The following DCC variants were observed in gnomAD, a reference collection of about 807,000 sequenced individuals.
The protein encoded by DCC is DCC netrin 1 receptor, also known as netrin receptor DCC.
Under a neutral mutation model 172.5 loss-of-function variants are expected in DCC, and 58 were observed. The observed-to-expected ratio is 0.34, with a 90% CI of 0.27 to 0.42. The LOEUF is 0.42. Ranked by LOEUF, DCC falls within the 10% of genes least tolerant of loss-of-function variation. The probability of loss-of-function intolerance (pLI) is 1.00; values close to 1 mark genes in which losing one functional copy is unlikely to be tolerated. For synonymous variants in DCC, 709 were observed against 644.5 expected (o/e 1.10, Z -1.52); for missense variants, 1,740 against 1,791.0 (o/e 0.97, Z 0.51).
At chr18:53,452,951 T>C (rs1568141587) in intron 23 of DCC, among the ~76,000 whole-genome samples, 1 of 152,148 alleles carries the variant, frequency 6.6e-6, no homozygotes, top group Non-Finnish European at 1.5e-5. Flanking sequence ...AGTCTCACTC[T>C]ATTGCCCAGG....
At chr18:52,977,893 AAAG>A (rs1215372447) in intron 5 of DCC, among the ~76,000 whole-genome samples, 1 of 147,520 alleles carries the variant, frequency 6.8e-6, no homozygotes, top group African/African-American at 2.5e-5. Flanking sequence ...TCAAAAAAAA[AAAG>A]AAAAGAAAAA....
intron 5 of DCC, among the ~76,000 whole-genome samples, chr18:52,932,512 G>A (rs190417962): frequency 1.3e-5 from 2 of 152,218 alleles, no homozygotes; most frequent in Admixed American, 1.3e-4. Context: ...ACTGAGGATG[G>A]TCTCTTCAGT....
At chr18:53,028,952 G>T (rs1396036580) in intron 5 of DCC, among the ~76,000 whole-genome samples, 1 of 152,026 alleles carries the variant, frequency 6.6e-6, no homozygotes, top group Non-Finnish European at 1.5e-5. Flanking sequence ...TTTTCCATTT[G>T]AGCTATAGTT....
intron 16 of DCC, 24 bp from the exon 17 acceptor site, chr18:53,391,631 C>A: frequency 2.1e-6 from 3 of 1,439,922 alleles, no homozygotes; most frequent in South Asian, 1.1e-5. Flanking sequence ...TTGTTTGTTT[C>A]ATTTGGTGGG....
chr18:53,456,210 G>T (rs1227285713), intron 23 of DCC, among the ~76,000 whole-genome samples: 1 of 152,186 alleles, frequency 6.6e-6, no homozygotes, highest in Non-Finnish European at 1.5e-5. Flanking sequence ...TAAAGAATAA[G>T]TCATTTGCAA....
intron 12 of DCC, among the ~76,000 whole-genome samples, chr18:53,298,991 A>G (rs996428128): frequency 6.6e-6 from 1 of 152,162 alleles, no homozygotes; most frequent in African/African-American, 2.4e-5. Flanking sequence ...TTGTAAAATC[A>G]TCAATGGTGA....
chr18:52,698,752 C>T (rs1599028002), intron 1 of DCC, among the ~76,000 whole-genome samples: 2 of 141,902 alleles, frequency 1.4e-5, no homozygotes, highest in East Asian at 2.1e-4. Context: ...GCTCCCGCCA[C>T]CACGCCTGGC....
At chr18:53,192,942 TC>T (rs1398579557) in intron 9 of DCC, among the ~76,000 whole-genome samples, 1 of 152,134 alleles carries the variant, frequency 6.6e-6, no homozygotes, top group Admixed American at 6.5e-5. Context: ...TCCTGATGCT[TC>T]CATCAACTTC....
At chr18:53,466,330 T>C (rs1366524230) in intron 24 of DCC, among the ~76,000 whole-genome samples, 2 of 152,174 alleles carry the variant, frequency 1.3e-5, no homozygotes, top group Non-Finnish European at 2.9e-5. Context: ...AGGTCAGTCT[T>C]GTGATCCTTA....
intron 5 of DCC, among the ~76,000 whole-genome samples, chr18:53,020,145 C>A (rs925361333): frequency 6.6e-6 from 1 of 151,980 alleles, no homozygotes; most frequent in African/African-American, 2.4e-5. Flanking sequence ...TATTGCTAAC[C>A]CTTCTACCTT....
intron 21 of DCC, among the ~76,000 whole-genome samples, chr18:53,433,720 A>G (rs1486391817): frequency 1.3e-5 from 2 of 152,132 alleles, no homozygotes; most frequent in African/African-American, 4.8e-5. Context: ...TTGTCAGCCC[A>G]CTAAAATTTT....
At chr18:52,948,563 G>A (rs2040586249) in intron 5 of DCC, among the ~76,000 whole-genome samples, 1 of 152,106 alleles carries the variant, frequency 6.6e-6, no homozygotes, top group Admixed American at 6.5e-5. Context: ...GACTTAGATT[G>A]AGAAAGGGTT....
chr18:53,084,570 T>G (rs902238152), intron 7 of DCC, among the ~76,000 whole-genome samples: 2 of 152,310 alleles, frequency 1.3e-5, no homozygotes, highest in African/African-American at 4.8e-5. Context: ...CCCTGCCAGA[T>G]CTTCTGTTTC....
intron 1 of DCC, among the ~76,000 whole-genome samples, chr18:52,629,021 T>C (rs1208869876): frequency 6.6e-6 from 1 of 152,214 alleles, no homozygotes; most frequent in Non-Finnish European, 1.5e-5. Flanking sequence ...ATAGTAGATT[T>C]AAATTGGTGC....
intron 1 of DCC, among the ~76,000 whole-genome samples, chr18:52,593,096 G>A (rs1036205983): frequency 6.6e-6 from 1 of 152,144 alleles, no homozygotes; most frequent in Non-Finnish European, 1.5e-5. Flanking sequence ...TCATGGCTGG[G>A]TCTAAGACTA....
At chr18:52,656,700 G>A (rs908361281) in intron 1 of DCC, among the ~76,000 whole-genome samples, 4 of 152,116 alleles carry the variant, frequency 2.6e-5, no homozygotes, top group African/African-American at 7.2e-5. Flanking sequence ...TAAGATCATA[G>A]TGTAGAGCAC....
intron 2 of DCC, among the ~76,000 whole-genome samples, chr18:52,822,994 C>T (rs1282823809): frequency 6.6e-6 from 1 of 152,122 alleles, no homozygotes; most frequent in African/African-American, 2.4e-5. Context: ...AATTTATAAT[C>T]TTTTAATCTG....
At chr18:53,271,234 T>C (rs900126309) in intron 12 of DCC, among the ~76,000 whole-genome samples, 2 of 152,166 alleles carry the variant, frequency 1.3e-5, no homozygotes, top group Non-Finnish European at 2.9e-5. Flanking sequence ...TCTCTGACCA[T>C]AGATACAGAT....
intron 5 of DCC, among the ~76,000 whole-genome samples, chr18:52,968,319 A>G (rs2040968460): frequency 6.6e-6 from 1 of 152,136 alleles, no homozygotes; most frequent in African/African-American, 2.4e-5. Flanking sequence ...ATGAATTGCA[A>G]TGCATCAGGC....
Sources: gnomAD v4.1 joint callset for allele counts (sites outside exome capture counted in the v4.1 genomes callset) on GRCh38, gnomAD v4.1.1 for gene constraint, MANE v1.5 for transcripts, NCBI Gene and HGNC (gene_info 2026-07-23, HGNC 2026-07-21) for gene names.